The following ZNF569 variants were observed in gnomAD, a reference collection of about 807,000 sequenced individuals.
The protein encoded by ZNF569 is zinc finger protein 569.
ZNF569 carries 38 observed loss-of-function variants against 56.3 expected under a neutral mutation model. The observed-to-expected ratio is 0.68, with a 90% CI of 0.52 to 0.88. ZNF569 has a LOEUF of 0.88. Ranked by LOEUF, ZNF569 falls within the 40% of genes least tolerant of loss-of-function variation. The pLI is 0.00. For missense variants in ZNF569, 666 were observed against 809.2 expected (o/e 0.82, Z 2.15); for synonymous variants, 241 against 262.9 (o/e 0.92, Z 0.81).
chr19:37,457,703 G>A (rs2041696091), intron 2 of ZNF569, among the ~76,000 whole-genome samples: 1 of 137,306 alleles, frequency 7.3e-6, no homozygotes. Context: ...TGGGGGAGGG[G>A]GGAGGGATAG....
chr19:37,455,759 T>G (rs1188436193), intron 2 of ZNF569, among the ~76,000 whole-genome samples: 2 of 152,008 alleles, frequency 1.3e-5, no homozygotes, highest in South Asian at 2.1e-4. Context: ...ACCACACCAC[T>G]TTGCAACACA....
At position 37,416,407 on chromosome 19, in the gene ZNF569, AC is replaced by A. The variant is rs1390161209; in HGVS notation, c.239-1989del. 1.2e-3 allele frequency among the ~76,000 whole-genome samples: 181 copies of A among 152,272 alleles called. 2 individuals carry two copies. Among genetic ancestry groups the A allele is most frequent in the African/African-American group, 4.2e-3 (176 of 41,564 alleles). On this transcript the variant is annotated intron_variant, in intron 5 of 5. Transcript: ENST00000316950. ...TATGAATTGATATTTATTTTTAAAA[AC>A]CTTCATATACAAACAACTACAGTCA...
chr19:37,435,632 GAC>G (rs572083391), intron 3 of ZNF569, among the ~76,000 whole-genome samples: 107 of 152,100 alleles, frequency 7.0e-4, no homozygotes, highest in African/African-American at 2.4e-3. Context: ...CATCTATAAA[GAC>G]ACACATAGAC....
At position 37,460,631 on chromosome 19, in the gene ZNF569, T is replaced by C. The variant is rs532909681; in HGVS notation, c.-44+4682A>G. 2.9e-3 allele frequency among the ~76,000 whole-genome samples: 435 copies of C among 152,198 alleles called. 2 individuals are homozygous for C. Among genetic ancestry groups the C allele is most frequent in the Non-Finnish European group, 4.9e-3 (332 of 68,000 alleles). ...GAAGCTAGGCGTGGTAGCGTGCACC[T>C]GTAGTCCAAGCTATTTGCAGGGGCT... is the stretch of plus-strand genomic sequence containing the variant. On this transcript the variant is annotated intron_variant, in intron 2 of 5. Coordinates refer to ENST00000316950, the MANE Select transcript of ZNF569 (RefSeq NM_152484.3).
upstream of ZNF569, chr19:37,468,146 G>C: frequency 1.7e-6 from 1 of 583,946 alleles, no homozygotes; most frequent in South Asian, 2.2e-5. Context: ...GAGTGCAGCG[G>C]CGCGATGTTG....
chr19:37,427,839 G>A (rs749569026), intron 3 of ZNF569: 1 of 515,642 alleles, frequency 1.9e-6, no homozygotes, highest in Non-Finnish European at 3.9e-6. Context: ...ATTTGGTGAG[G>A]AAGTGGGACT....
intron 2 of ZNF569, among the ~76,000 whole-genome samples, chr19:37,450,817 G>A (rs372195825): frequency 1.3e-5 from 2 of 152,000 alleles, no homozygotes; most frequent in African/African-American, 4.8e-5. Flanking sequence ...GTTTTGGTAT[G>A]TTGTGTTTTT....
chr19:37,424,874 A>G (rs1477556988), intron 5 of ZNF569, among the ~76,000 whole-genome samples: 1 of 150,054 alleles, frequency 6.7e-6, no homozygotes, highest in East Asian at 2.0e-4. Context: ...TAATCCCAAC[A>G]CTTTGGGAGG....
rs527466939 is a variant in ZNF569 at position 37,411,659 on chromosome 19, T to G, written c.*938A>C. On this transcript the variant is annotated 3_prime_UTR_variant, in exon 6 of 6. Transcript: ENST00000316950. ...CTACTTTCATCATAGTTTTAAAATT[T>G]TGCTTTTTATATTCTGGTCTTTAGT... The G allele has an allele frequency of 6.6e-6, 1 of 152,302 alleles. No homozygotes were observed. Among genetic ancestry groups the G allele is most frequent in the South Asian group, 2.1e-4 (1 of 4,830 alleles). 9.4% of individuals were successfully genotyped at this position (152,302 alleles called of 1,614,324 possible). A position where few individuals can be genotyped will look rare whatever the true frequency, so the allele number is the denominator to read the frequency against.
rs925875094 is a variant in ZNF569 at position 37,438,419 on chromosome 19, C to T, written c.15+6488G>A. ...ACAACAAAGAATAACAACAAGCAGA[C>T]ACAAAGACCAATGGAACAGAACAGA... On this transcript the variant is annotated intron_variant, in intron 3 of 5. Transcript: ENST00000316950. Among the ~76,000 whole-genome samples, 3 of 152,030 alleles carry T rather than the reference C, an allele frequency of 2.0e-5. No individual in the cohort carries two copies. In the South Asian group the frequency reaches 6.2e-4, roughly 32 times the overall value.
intron 3 of ZNF569, among the ~76,000 whole-genome samples, chr19:37,440,613 C>T (rs551004051): frequency 6.6e-6 from 1 of 152,138 alleles, no homozygotes; most frequent in Non-Finnish European, 1.5e-5. Flanking sequence ...TAAGTAAAAA[C>T]AAAGAATTCA....
chr19:37,417,387 A>G (rs1328665657), intron 5 of ZNF569, among the ~76,000 whole-genome samples: 1 of 152,094 alleles, frequency 6.6e-6, no homozygotes. Context: ...CAACCTCCCA[A>G]GTAGCTGGGA....
intron 5 of ZNF569, among the ~76,000 whole-genome samples, chr19:37,415,305 G>A (rs1319551483): frequency 6.6e-6 from 1 of 151,618 alleles, no homozygotes; most frequent in Non-Finnish European, 1.5e-5. Context: ...AATGACATTT[G>A]AAAAAATGAA....
intron 3 of ZNF569, among the ~76,000 whole-genome samples, chr19:37,431,195 C>G (rs2041219925): frequency 2.0e-5 from 3 of 152,106 alleles, no homozygotes; most frequent in African/African-American, 4.8e-5. Context: ...GGTCATGGGA[C>G]CCAGTGAGAC....
Position 37,412,507 on chromosome 19 carries a change from G to C in ZNF569, c.*90C>G. ...TTCAGAAGGCTATCCCACATTCATAGTTTTCTACTCTGGAAGTGATCATGT... is the reference window on the plus strand; with the variant it reads ...TTCAGAAGGCTATCCCACATTCATACTTTTCTACTCTGGAAGTGATCATGT... On this transcript the variant is annotated 3_prime_UTR_variant, in exon 6 of 6. Coordinates refer to ENST00000316950, the MANE Select transcript of ZNF569 (RefSeq NM_152484.3). 1 of 1,430,170 alleles carries C rather than the reference G, an allele frequency of 7.0e-7. No individual in the cohort carries two copies. The allele number at this position is 1,430,170 out of a possible 1,614,324, so 88.6% of individuals were successfully genotyped here.
Position 37,412,845 on chromosome 19 carries a change from G to T in ZNF569, c.1813C>A (p.Pro605Thr). 1 of 1,613,986 alleles carries T rather than the reference G, an allele frequency of 6.2e-7. No individual in the cohort carries two copies. ...TTTCCACATTTATTACATTCATAGG[G>T]TTTTTCACCTGTATGGCCTCTCATG... is the stretch of plus-strand genomic sequence containing the variant. Reference protein sequence around the residue: ...VHMRGHTGEKPYECNKCGKAF... With the variant: ...VHMRGHTGEKTYECNKCGKAF... The change falls in exon 6 of 6, where the codon CCC (proline) becomes ACC (threonine). Residue 605 changes from proline to threonine, a missense_variant. Coordinates refer to ENST00000316950, the MANE Select transcript of ZNF569 (RefSeq NM_152484.3).
At chr19:37,463,035 TCAGTTAATGACA>T (rs1355509173) in intron 2 of ZNF569, among the ~76,000 whole-genome samples, 1 of 152,190 alleles carries the variant, frequency 6.6e-6, no homozygotes, top group Non-Finnish European at 1.5e-5. Context: ...GTTCCCCTTC[TCAGTTAATGACA>T]CACCCATTCA....
chr19:37,427,779 T>A (rs1159555365), intron 3 of ZNF569: 5 of 515,894 alleles, frequency 9.7e-6, no homozygotes, highest in South Asian at 2.8e-5. Flanking sequence ...CAGGGGTTTT[T>A]AATATTTCCC....
intron 2 of ZNF569, among the ~76,000 whole-genome samples, chr19:37,452,087 G>C (rs868497990): frequency 1.1e-4 from 17 of 151,786 alleles, no homozygotes; most frequent in African/African-American, 3.9e-4. Context: ...AGCCTCTATG[G>C]GTAATTTCTG....
Sources: allele counts gnomAD v4.1 joint callset (sites outside exome capture counted in the v4.1 genomes callset), GRCh38; gene constraint gnomAD v4.1.1; transcripts MANE v1.5; gene names NCBI Gene and HGNC (gene_info 2026-07-23, HGNC 2026-07-21).